Variants in RBM39 observed in about 807,000 individuals in gnomAD.
The protein encoded by RBM39 is RNA binding motif protein 39, also known as RNA-binding protein 39.
RBM39 carries 12 observed loss-of-function variants against 79.6 expected under a neutral mutation model. That is an observed-to-expected ratio of 0.15 (90% CI 0.10 to 0.24). RBM39 has a LOEUF of 0.24. RBM39 is among the 10% of genes least tolerant of loss of function. The probability of loss-of-function intolerance (pLI) is 1.00; values close to 1 mark genes in which losing one functional copy is unlikely to be tolerated. For missense variants in RBM39, 243 were observed against 653.4 expected, an observed-to-expected ratio of 0.37 and a Z score of 6.85; for synonymous variants, 185 against 208.4, an observed-to-expected ratio of 0.89 and a Z score of 0.97.
At chr20:35,726,987 G>T (rs1427501402) in intron 6 of RBM39, among the ~76,000 whole-genome samples, 4 of 146,028 alleles carry the variant, frequency 2.7e-5, no homozygotes, top group Non-Finnish European at 6.0e-5. Flanking sequence ...ACTACATCCG[G>T]CTAATTTTTG....
chr20:35,730,457 C>G (rs2039244030), intron 4 of RBM39, among the ~76,000 whole-genome samples: 1 of 152,124 alleles, frequency 6.6e-6, no homozygotes, highest in Non-Finnish European at 1.5e-5. Context: ...AAATAAAACA[C>G]TTTATATTAA....
At chr20:35,741,886 TG>T (rs1261996517) in intron 1 of RBM39, 54 bp downstream of exon 1, 1 of 160,278 alleles carries the variant, frequency 6.2e-6, no homozygotes, top group Non-Finnish European at 1.4e-5. Context: ...CAGCCCAAAA[TG>T]GAGCCAAACC....
At chr20:35,718,317 G>C (rs2037433050) in intron 9 of RBM39, among the ~76,000 whole-genome samples, 1 of 151,322 alleles carries the variant, frequency 6.6e-6, no homozygotes, top group Non-Finnish European at 1.5e-5. Context: ...CTCTAGAAAA[G>C]GAGTAGTCGT....
intron 3 of RBM39, chr20:35,735,062 A>G (rs775868300): frequency 6.4e-7 from 1 of 1,571,700 alleles, no homozygotes; most frequent in South Asian, 1.2e-5. Flanking sequence ...AGAAGATCTA[A>G]ATTTTTAATG....
rs1437358813 is a variant in RBM39 at position 35,702,316 on chromosome 20, C to G, written c.*2165G>C. 2.0e-5 allele frequency: 3 copies of G among 152,240 alleles called. No individual in the cohort carries two copies. Among genetic ancestry groups the G allele is most frequent in the African/African-American group, 7.2e-5 (3 of 41,452 alleles). 9.4% of individuals were successfully genotyped at this position (152,240 alleles called of 1,614,324 possible). A position where few individuals can be genotyped will look rare whatever the true frequency, so the allele number is the denominator to read the frequency against. ...AACCAGTGGGATGCTGACTCAGGAA[C>G]TGATTGGACATAAACAGTTTCACTC... On this transcript the variant is annotated 3_prime_UTR_variant, in exon 17 of 17. Transcript: ENST00000253363.
rs556787892 is a variant in RBM39, at chr20:35,718,847, G to A, written c.826-2042C>T. 2.7e-5 allele frequency among the ~76,000 whole-genome samples: 4 copies of A among 149,850 alleles called. No homozygotes were observed. In the East Asian group the frequency reaches 5.9e-4, roughly 22 times the overall value. Reference sequence around the variant, plus strand: ...AAAAAAAAAAAAAAAGCCAGGCATGGCGGCATGCACCTATAATCCCAGCTG... The same window carrying A: ...AAAAAAAAAAAAAAAGCCAGGCATGACGGCATGCACCTATAATCCCAGCTG... On this transcript the variant is annotated intron_variant, in intron 9 of 16. Coordinates refer to ENST00000253363, the MANE Select transcript of RBM39 (RefSeq NM_184234.3).
chr20:35,722,926 T>A (rs75958374), intron 8 of RBM39, among the ~76,000 whole-genome samples: 1 of 142,272 alleles, frequency 7.0e-6, no homozygotes, highest in East Asian at 2.0e-4. Flanking sequence ...AGAGCGAGAC[T>A]CCGTCTCAAG....
At chr20:35,732,834 TCA>T (rs966696667) in intron 3 of RBM39, 2 of 152,282 alleles carry the variant, frequency 1.3e-5, no homozygotes, top group African/African-American at 2.4e-5. Flanking sequence ...TAGAATATTT[TCA>T]CATTCAAGTA....
intron 3 of RBM39, chr20:35,732,427 G>C: frequency 9.0e-6 from 3 of 331,660 alleles, no homozygotes; most frequent in African/African-American, 2.1e-5. Context: ...ATAGTACCGT[G>C]CGCCTGTAGT....
intron 1 of RBM39, chr20:35,741,731 C>T (rs2146775193): frequency 6.5e-6 from 1 of 152,946 alleles, no homozygotes; most frequent in East Asian, 1.9e-4. Context: ...GGTCACCATT[C>T]TACCGCGGCC....
At chr20:35,707,024 T>G (rs1482406898) in intron 14 of RBM39, 96 bp downstream of exon 14, 1 of 472,906 alleles carries the variant, frequency 2.1e-6, no homozygotes, top group African/African-American at 4.1e-5. Context: ...CGAAACTCCA[T>G]CTTAAAAAAA....
At chr20:35,719,193 G>A (rs1482411000) in intron 9 of RBM39, among the ~76,000 whole-genome samples, 8 of 151,948 alleles carry the variant, frequency 5.3e-5, no homozygotes, top group Non-Finnish European at 8.8e-5. Flanking sequence ...ACCCAAGACC[G>A]GCTAATTTTT....
intron 9 of RBM39, among the ~76,000 whole-genome samples, chr20:35,717,750 G>A (rs2037332119): frequency 6.6e-6 from 1 of 152,218 alleles, no homozygotes; most frequent in Admixed American, 6.5e-5. Flanking sequence ...AGCACTTTGG[G>A]AGGCAGGAGG....
At chr20:35,712,436 A>AG (rs1491533040) in intron 12 of RBM39, among the ~76,000 whole-genome samples, 2 of 76,074 alleles carry the variant, frequency 2.6e-5, no homozygotes, top group Non-Finnish European at 5.0e-5. Context: ...ACTGTTATCC[A>AG]AAAAAAAAAA....
At chr20:35,727,303 T>C (rs988385855) in intron 6 of RBM39, among the ~76,000 whole-genome samples, 12 of 151,478 alleles carry the variant, frequency 7.9e-5, no homozygotes, top group East Asian at 1.9e-4. Context: ...TGAGACATGA[T>C]TGCGTCACTG....
intron 14 of RBM39, 87 bp downstream of exon 14, chr20:35,707,033 A>G: frequency 1.7e-6 from 1 of 579,592 alleles, no homozygotes; most frequent in Non-Finnish European, 2.5e-6. Flanking sequence ...ATCTTAAAAA[A>G]AAAAAAAAAA....
rs2035302372 is a variant in RBM39, at chr20:35,701,915, A to G, written c.*2566T>C. The G allele has an allele frequency of 6.6e-6, 1 of 151,978 alleles. No individual in the cohort carries two copies. 9.4% of individuals were successfully genotyped at this position (151,978 alleles called of 1,614,324 possible). On this transcript the variant is annotated 3_prime_UTR_variant, in exon 17 of 17. Coordinates refer to ENST00000253363, the MANE Select transcript of RBM39 (RefSeq NM_184234.3). The stretch of plus-strand genomic sequence containing the variant: ...CAGCCCGAGGTTGTTATTTAGATAT[A>G]CCTAGTGGCTTTATCAGAAAAAGCA...
At chr20:35,724,036 T>C (rs188672037) in intron 8 of RBM39, among the ~76,000 whole-genome samples, 1 of 151,776 alleles carries the variant, frequency 6.6e-6, no homozygotes, top group African/African-American at 2.4e-5. Context: ...AGTGAGACCC[T>C]ATCTCAAAAA....
intron 3 of RBM39, chr20:35,732,916 A>G (rs1242716854): frequency 6.6e-6 from 1 of 152,218 alleles, no homozygotes; most frequent in Non-Finnish European, 1.5e-5. Context: ...TTTTGCCCCC[A>G]TTTACATATG....
Sources: allele counts gnomAD v4.1 joint callset (sites outside exome capture counted in the v4.1 genomes callset), GRCh38; gene constraint gnomAD v4.1.1; transcripts MANE v1.5; gene names NCBI Gene and HGNC (gene_info 2026-07-23, HGNC 2026-07-21).